NEB: variants seen among roughly 807,000 people sequenced by gnomAD.
The protein encoded by NEB is nebulin.
Under a neutral mutation model 952.2 loss-of-function variants are expected in NEB, and 512 were observed. The ratio of observed to expected loss-of-function variants is 0.54; its 90% confidence interval spans 0.50 to 0.58. NEB has a LOEUF of 0.58. Among genes scored for constraint, NEB ranks in the 20% least tolerant of loss-of-function variants. The pLI, the probability that NEB is intolerant of heterozygous loss-of-function variation, is 0.00. For missense variants in NEB, 8,428 were observed against 9,231.1 expected, an observed-to-expected ratio of 0.91 and a Z score of 3.56; for synonymous variants, 2,900 against 3,149.8, an observed-to-expected ratio of 0.92 and a Z score of 2.66.
intron 136 of NEB, 98 bp from the exon 137 acceptor site, chr2:151,540,899 G>A (rs900896914): frequency 3.0e-6 from 3 of 990,060 alleles, no homozygotes; most frequent in South Asian, 1.4e-5. Context: ...GTGGGAAGGT[G>A]GTATCTGCTT....
At chr2:151,654,457 TA>T (rs1558864814) in intron 51 of NEB, among the ~76,000 whole-genome samples, 1 of 152,146 alleles carries the variant, frequency 6.6e-6, no homozygotes, top group South Asian at 2.1e-4. Flanking sequence ...TAATTGCTAA[TA>T]AAAAGAAAAA....
At chr2:151,548,668 G>C (rs773975234) in intron 130 of NEB, among the ~76,000 whole-genome samples, 10 of 152,214 alleles carry the variant, frequency 6.6e-5, no homozygotes, top group Non-Finnish European at 1.2e-4. Flanking sequence ...CGGAAGGTAT[G>C]CAAAATGCCA....
rs374003090 is a variant in NEB at position 151,531,913 on chromosome 2, A to G, written c.21418-17T>C. The G allele has an allele frequency of 1.8e-5, 28 of 1,518,598 alleles. No individual in the cohort carries two copies. The African/African-American group carries it at 3.4e-4, about 19-fold the overall frequency. The allele number at this position is 1,518,598 out of a possible 1,614,324, so 94.1% of individuals were successfully genotyped here. On this transcript the variant is annotated splice_polypyrimidine_tract_variant and intron_variant, in intron 143 of 181. Coordinates refer to ENST00000397345, the MANE Select transcript of NEB (RefSeq NM_001164508.2). ...GTATTTGATCTAAATTGTGGAAGAG[A>G]AGAAAGAGCTCTAAGAAGTTGTAGA...
At chr2:151,667,305 G>A (rs552968660) in intron 40 of NEB, among the ~76,000 whole-genome samples, 1 of 151,984 alleles carries the variant, frequency 6.6e-6, no homozygotes, top group South Asian at 2.1e-4. Flanking sequence ...ATAAAAAGTG[G>A]TTTTTAAGTT....
chr2:151,709,544 T>C (rs2099737593), intron 12 of NEB, 112 bp downstream of exon 12: 3 of 743,574 alleles, frequency 4.0e-6, no homozygotes, highest in Non-Finnish European at 6.7e-6. Context: ...GCCCTGGTAG[T>C]TCCCCCAAGA....
At chr2:151,649,617 T>C (rs948939807) in intron 54 of NEB, among the ~76,000 whole-genome samples, 3 of 152,212 alleles carry the variant, frequency 2.0e-5, no homozygotes, top group Admixed American at 2.0e-4. Context: ...TCCACCCTGC[T>C]ATATTTTATG....
rs750113592 is a variant in NEB, at chr2:151,650,663, C to T, written c.7138G>A (p.Asp2380Asn). 9.3e-6 allele frequency: 15 copies of T among 1,613,684 alleles called. No individual in the cohort carries two copies. The highest frequency in any genetic ancestry group is 2.2e-5 in the East Asian group (1 of 44,884). The change falls in exon 53 of 182, where the codon GAC becomes AAC. Residue 2380 changes from aspartate to asparagine, a missense_variant. Physicochemically the swap from Asp to Asn is conservative, Grantham distance 23 (BLOSUM62 1). Transcript: ENST00000397345. The part of the protein sequence containing the change: ...KKCQELVSDV[D>N]YKNYLHQWTC... ...CACTGATGCAGGTAGTTCTTGTAGT[C>T]CACGTCACTAACCAACTCCTGACAC...
At chr2:151,498,399 C>A (rs1222191420) in intron 169 of NEB, 47 bp from the exon 170 acceptor site, 1 of 1,368,274 alleles carries the variant, frequency 7.3e-7, no homozygotes, top group East Asian at 2.5e-5. Flanking sequence ...ATCAATCAGT[C>A]ATTTTCCCCC....
At chr2:151,701,733 G>C (rs1433672302) in intron 13 of NEB, among the ~76,000 whole-genome samples, 1 of 150,666 alleles carries the variant, frequency 6.6e-6, no homozygotes, top group Non-Finnish European at 1.5e-5. Flanking sequence ...ATTTTTTATT[G>C]TGTCTATTTG....
intron 9 of NEB, among the ~76,000 whole-genome samples, chr2:151,719,947 T>A (rs6734148): frequency 0.67 from 101,162 of 150,034 alleles, 37,807 homozygotes; most frequent in Non-Finnish European, 0.83. Context: ...ACAACAGGAT[T>A]TTTCATGGCT....
intron 117 of NEB, among the ~76,000 whole-genome samples, chr2:151,564,775 G>A (rs1025208738): frequency 3.3e-5 from 5 of 152,116 alleles, no homozygotes; most frequent in African/African-American, 1.2e-4. Flanking sequence ...TCACTTGCAC[G>A]ATCTCCTGAA....
chr2:151,507,691 AT>A, intron 162 of NEB: 1 of 279,972 alleles, frequency 3.6e-6, no homozygotes, highest in Non-Finnish European at 6.7e-6. Flanking sequence ...TATTGAATAA[AT>A]TGTGTGTCTC....
intron 12 of NEB, among the ~76,000 whole-genome samples, chr2:151,708,290 TAGAA>T (rs932263984): frequency 8.5e-5 from 13 of 152,360 alleles, no homozygotes; most frequent in African/African-American, 3.1e-4. Context: ...GGAAAATACT[TAGAA>T]AGAGTTGAAT....
intron 12 of NEB, among the ~76,000 whole-genome samples, chr2:151,708,949 C>T (rs555046947): frequency 4.6e-4 from 70 of 152,354 alleles, no homozygotes; most frequent in Non-Finnish European, 8.8e-4. Context: ...CCGTCTTACA[C>T]GTGGATGCTG....
rs1419803549 is a variant in NEB, at chr2:151,643,911, G to A, written c.7863C>T (p.Asp2621=). ...GGTGCAGGTAGTTCTTGTAGTCCAC[G>A]TCGCTGACTAAGGTCTGGCACTTCT... ...LAKKCQTLVS[D]VDYKNYLHQW... is the part of the protein sequence containing the mutation. Residue 2621 remains aspartate, a synonymous_variant, in exon 57 of 182, where the codon GAC becomes GAT. Transcript: ENST00000397345. The A allele has an allele frequency of 2.3e-5, 37 of 1,613,760 alleles. 1 individual carries two copies. The highest frequency in any genetic ancestry group is 5.5e-5 in the South Asian group (5 of 91,078).
At chr2:151,681,598 T>C (rs187373194) in intron 29 of NEB, among the ~76,000 whole-genome samples, 3 of 152,148 alleles carry the variant, frequency 2.0e-5, no homozygotes, top group Admixed American at 6.5e-5. Flanking sequence ...GACAAAATGG[T>C]TTTCATCGAA....
At chr2:151,540,508 G>T in intron 137 of NEB, 60 bp from the exon 138 acceptor site, 1 of 1,325,756 alleles carries the variant, frequency 7.5e-7, no homozygotes, top group South Asian at 1.3e-5. Context: ...TTCCAACCAA[G>T]CCACCTACAG....
chr2:151,524,580 A>G lies in NEB; in HGVS notation c.22309T>C (p.Tyr7437His). The part of the protein sequence containing the change: ...YRKDAKENLH[Y>H]TTVADRPDIK... The stretch of plus-strand genomic sequence containing the variant: ...TCTGGTCGATCAGCCACTGTGGTGT[A>G]ATGCAGGTTCTCTTTGGCATCTTTT... Residue 7437 changes from tyrosine (Y) to histidine (H), a missense_variant, in exon 152 of 182, where the codon TAC becomes CAC. Coordinates refer to ENST00000397345, the MANE Select transcript of NEB (RefSeq NM_001164508.2). 1 of 1,588,114 alleles carries G rather than the reference A, an allele frequency of 6.3e-7. No homozygotes were observed. The highest frequency in any genetic ancestry group is 8.6e-7 in the Non-Finnish European group (1 of 1,165,128).
chr2:151,499,607 G>GTAAC (rs1424318864), intron 168 of NEB: 1 of 366,636 alleles, frequency 2.7e-6, no homozygotes, highest in African/African-American at 2.2e-5. Context: ...TCTTTTTATT[G>GTAAC]TAACTTGAAT....
Sources: gnomAD v4.1 joint callset for allele counts (sites outside exome capture counted in the v4.1 genomes callset) on GRCh38, gnomAD v4.1.1 for gene constraint, MANE v1.5 for transcripts, NCBI Gene and HGNC (gene_info 2026-07-23, HGNC 2026-07-21) for gene names.